The following LINS1 variants were observed in gnomAD, a reference collection of about 807,000 sequenced individuals.
The protein encoded by LINS1 is lines homolog 1.
LINS1 carries 27 observed loss-of-function variants against 41.6 expected under a neutral mutation model. The ratio of observed to expected loss-of-function variants is 0.65; its 90% confidence interval spans 0.48 to 0.89. LINS1 has a LOEUF of 0.89. Among genes scored for constraint, LINS1 ranks in the 40% least tolerant of loss-of-function variants. The probability of loss-of-function intolerance (pLI) is 0.00; values close to 1 mark genes in which losing one functional copy is unlikely to be tolerated. For synonymous variants in LINS1, 336 were observed against 312.9 expected, an observed-to-expected ratio of 1.07 and a Z score of -0.78; for missense variants, 955 against 884.1, an observed-to-expected ratio of 1.08 and a Z score of -1.02.
intron 1 of LINS1, among the ~76,000 whole-genome samples, chr15:100,600,435 T>C (rs768195655): frequency 2.6e-5 from 4 of 151,734 alleles, no homozygotes; most frequent in Non-Finnish European, 2.9e-5. Context: ...GCCTGGTCTG[T>C]TGGGCCTAGT....
chr15:100,590,606 T>C (rs890307481), intron 1 of LINS1, among the ~76,000 whole-genome samples: 1 of 152,368 alleles, frequency 6.6e-6, no homozygotes, highest in Middle Eastern at 3.4e-3. Flanking sequence ...GCTACAGTTA[T>C]GTAACAGACT....
At position 100,573,759 on chromosome 15, in the gene LINS1, C is replaced by T. The variant is rs1482726251; in HGVS notation, c.1114G>A (p.Glu372Lys). ...FGGDEVQPEC[E>K]LITSPDHVIL... ...ACATGATCTGGACTAGTGATAAGTT[C>T]ACATTCAGGTTGAACTTCATCACCT... is the stretch of plus-strand genomic sequence containing the variant. Residue 372 changes from glutamate (E) to lysine (K), a missense_variant, in exon 5 of 7, where the codon GAA (glutamate) becomes AAA (lysine). Physicochemically the swap from Glu to Lys is moderately conservative, Grantham distance 56 (BLOSUM62 1). Coordinates refer to ENST00000314742, the MANE Select transcript of LINS1 (RefSeq NM_001040616.3). 6.2e-7 allele frequency: 1 copy of T among 1,613,898 alleles called. No homozygotes were observed. Among genetic ancestry groups the T allele is most frequent in the Non-Finnish European group, 8.5e-7 (1 of 1,179,860 alleles).
intron 5 of LINS1, chr15:100,572,378 TA>T (rs1484864252): frequency 1.7e-6 from 2 of 1,176,140 alleles, no homozygotes; most frequent in African/African-American, 3.2e-5. Flanking sequence ...AGCAGATAAA[TA>T]AATGAGCAGA....
Position 100,580,365 on chromosome 15 carries a change from A to C in LINS1, c.400-13T>G, listed in dbSNP as rs199864468. 2.6e-4 allele frequency: 425 copies of C among 1,608,902 alleles called. No individual in the cohort carries two copies. Among genetic ancestry groups the C allele is most frequent in the Non-Finnish European group, 2.9e-4 (345 of 1,175,574 alleles). On this transcript the variant is annotated splice_polypyrimidine_tract_variant and intron_variant, in intron 2 of 6. Transcript: ENST00000314742. Reference sequence around the variant, plus strand: ...GGAACATGCAGATCTACAGGAAAACAAATATAATTAACCACTATTGCTGAA... The same window carrying C: ...GGAACATGCAGATCTACAGGAAAACCAATATAATTAACCACTATTGCTGAA...
chr15:100,572,639 A>C (rs1040615336), intron 5 of LINS1: 1 of 987,946 alleles, frequency 1.0e-6, no homozygotes, highest in African/African-American at 1.7e-5. Context: ...ATGTGTAGTT[A>C]TTAAAAGCTA....
intron 6 of LINS1, chr15:100,570,417 T>A (rs1567711899): frequency 3.9e-6 from 1 of 256,586 alleles, no homozygotes; most frequent in Non-Finnish European, 7.6e-6. Context: ...ACCAATTCCA[T>A]GTGGTAAGAT....
chr15:100,598,445 C>G (rs996331049), intron 1 of LINS1, among the ~76,000 whole-genome samples: 2 of 152,116 alleles, frequency 1.3e-5, no homozygotes, highest in African/African-American at 4.8e-5. Flanking sequence ...ACAGTAGTAT[C>G]CATAGCAGGG....
chr15:100,578,430 A>G (rs1467601275), intron 3 of LINS1, among the ~76,000 whole-genome samples: 1 of 152,004 alleles, frequency 6.6e-6, no homozygotes, highest in Non-Finnish European at 1.5e-5. Context: ...AAAAATGCTC[A>G]TCATCACTGG....
intron 1 of LINS1, among the ~76,000 whole-genome samples, chr15:100,595,808 C>T (rs2039219065): frequency 6.6e-6 from 1 of 152,214 alleles, no homozygotes; most frequent in African/African-American, 2.4e-5. Flanking sequence ...CAAGAGGCTA[C>T]TTAATCTATT....
intron 3 of LINS1, among the ~76,000 whole-genome samples, chr15:100,579,501 A>C (rs1444706794): frequency 6.6e-6 from 1 of 151,880 alleles, no homozygotes; most frequent in African/African-American, 2.4e-5. Context: ...ATGAAAGATG[A>C]AAATGTTAGC....
Position 100,580,353 on chromosome 15 carries a change from C to A in LINS1, c.400-1G>T. 1 of 1,611,758 alleles carries A rather than the reference C, an allele frequency of 6.2e-7. No individual in the cohort carries two copies. The highest frequency in any genetic ancestry group is 8.5e-7 in the Non-Finnish European group (1 of 1,178,192). On this transcript the variant is annotated splice_acceptor_variant, in intron 2 of 6. Coordinates refer to ENST00000314742, the MANE Select transcript of LINS1 (RefSeq NM_001040616.3). LOFTEE classifies it high-confidence loss of function. ...TATCTGAATTTTGGAACATGCAGAT[C>A]TACAGGAAAACAAATATAATTAACC...
intron 3 of LINS1, among the ~76,000 whole-genome samples, chr15:100,575,727 C>T (rs1471397380): frequency 1.3e-5 from 2 of 152,140 alleles, no homozygotes; most frequent in African/African-American, 4.8e-5. Context: ...ATACATTCTT[C>T]TCAGCACCAC....
chr15:100,592,480 A>G (rs577870776), intron 1 of LINS1, among the ~76,000 whole-genome samples: 2 of 152,014 alleles, frequency 1.3e-5, no homozygotes, highest in South Asian at 2.1e-4. Flanking sequence ...AACTCTGAGC[A>G]TAGGGCTGAT....
In LINS1 at chr15:100,573,833, G is replaced by A. The variant is rs376417416; in HGVS notation, c.1040C>T (p.Ser347Leu). 10 of 1,614,040 alleles carry A rather than the reference G, an allele frequency of 6.2e-6. No individual in the cohort carries two copies. The highest frequency in any genetic ancestry group is 4.5e-5 in the East Asian group (2 of 44,904). ...AACAGACAGTGTCTTCAACAACCCC[G>A]AATTCACAGCTTGCAAAACAGCATT... is the stretch of plus-strand genomic sequence containing the variant. ...LANAVLQAVNSGLLKTLSVYE... is the reference protein window; with the variant it reads ...LANAVLQAVNLGLLKTLSVYE... The change falls in exon 5 of 7, where the codon TCG (serine) becomes TTG (leucine). Residue 347 changes from serine to leucine, a missense_variant. Transcript: ENST00000314742.
intron 1 of LINS1, among the ~76,000 whole-genome samples, chr15:100,597,577 T>C (rs575286893): frequency 6.6e-6 from 1 of 152,350 alleles, no homozygotes. Context: ...ATTTTTAAAA[T>C]AAATGGAAAT....
chr15:100,576,933 T>C (rs568289717), intron 3 of LINS1, among the ~76,000 whole-genome samples: 17 of 152,358 alleles, frequency 1.1e-4, no homozygotes, highest in Non-Finnish European at 2.2e-4. Flanking sequence ...ACCACATGAT[T>C]ATCTCAATAG....
intron 1 of LINS1, among the ~76,000 whole-genome samples, chr15:100,583,878 C>T (rs1212672617): frequency 2.6e-5 from 4 of 152,012 alleles, no homozygotes; most frequent in Admixed American, 1.3e-4. Context: ...ATTGCACTTA[C>T]TTTATATTTT....
intron 1 of LINS1, among the ~76,000 whole-genome samples, chr15:100,587,334 G>T (rs944272980): frequency 6.6e-6 from 1 of 152,026 alleles, no homozygotes; most frequent in Non-Finnish European, 1.5e-5. Context: ...TAGGTCATGT[G>T]CCTAGAGTGA....
chr15:100,567,279 T>C lies in LINS1; in HGVS notation c.*1959A>G, dbSNP rs1365212367. 1.3e-5 allele frequency: 2 copies of C among 152,214 alleles called. No homozygotes were observed. Among genetic ancestry groups the C allele is most frequent in the African/African-American group, 4.8e-5 (2 of 41,446 alleles). The allele number at this position is 152,214 out of a possible 1,614,324, so 9.4% of individuals were successfully genotyped here. A position where few individuals can be genotyped will look rare whatever the true frequency, so the allele number is the denominator to read the frequency against. ...GGACAGTCACAGTAAAAATAACGGC[T>C]TGATAGTCTTATGGGACCACTGTAC... On this transcript the variant is annotated 3_prime_UTR_variant, in exon 7 of 7. Coordinates refer to ENST00000314742, the MANE Select transcript of LINS1 (RefSeq NM_001040616.3).
Sources: allele counts gnomAD v4.1 joint callset (sites outside exome capture counted in the v4.1 genomes callset), GRCh38; gene constraint gnomAD v4.1.1; transcripts MANE v1.5; gene names NCBI Gene and HGNC (gene_info 2026-07-23, HGNC 2026-07-21).